MZT1: variants seen among roughly 807,000 people sequenced by gnomAD.
MZT1 encodes mitotic-spindle organizing protein 1.
Under a neutral mutation model 8.5 loss-of-function variants are expected in MZT1, and 8 were observed. The ratio of observed to expected loss-of-function variants is 0.94; its 90% CI spans 0.55 to 1.70. MZT1 has a LOEUF of 1.70. Among genes scored for constraint, MZT1 ranks in the 40% most tolerant of loss-of-function variants. The probability of loss-of-function intolerance (pLI) is 0.00; values close to 1 mark genes in which losing one functional copy is unlikely to be tolerated. For synonymous variants in MZT1, 38 were observed against 42.0 expected (o/e 0.90, Z 0.37); for missense variants, 93 against 108.6 (o/e 0.86, Z 0.64).
chr13:72,719,178 A>G, intron 1 of MZT1, 81 bp from the exon 2 acceptor site: 1 of 1,141,702 alleles, frequency 8.8e-7, no homozygotes, highest in Non-Finnish European at 1.2e-6. Context: ...ATTAATTTAT[A>G]TATCACTGCA....
At chr13:72,712,798 T>C (rs1462300127) in intron 2 of MZT1, among the ~76,000 whole-genome samples, 1 of 152,216 alleles carries the variant, frequency 6.6e-6, no homozygotes, top group Non-Finnish European at 1.5e-5. Flanking sequence ...TTCTCTTATA[T>C]GCACTCAAAC....
chr13:72,724,086 C>T (rs1370362336), intron 1 of MZT1, among the ~76,000 whole-genome samples: 3 of 152,106 alleles, frequency 2.0e-5, no homozygotes, highest in Non-Finnish European at 2.9e-5. Context: ...AAATTCAGAC[C>T]TGAACTGCTA....
intron 1 of MZT1, among the ~76,000 whole-genome samples, chr13:72,724,714 A>ATC (rs2032624080): frequency 4.5e-5 from 1 of 22,470 alleles, no homozygotes; most frequent in African/African-American, 5.9e-5. Context: ...ATATATATAT[A>ATC]TATACATATA....
At chr13:72,725,044 TC>T (rs1037347838) in intron 1 of MZT1, among the ~76,000 whole-genome samples, 3 of 143,682 alleles carry the variant, frequency 2.1e-5, no homozygotes, top group African/African-American at 7.9e-5. Flanking sequence ...CCAGCCAGAC[TC>T]GGTCTCAAAA....
intron 1 of MZT1, among the ~76,000 whole-genome samples, chr13:72,721,753 T>G (rs1471719286): frequency 6.6e-6 from 1 of 152,216 alleles, no homozygotes; most frequent in Non-Finnish European, 1.5e-5. Context: ...TCCAGTGTCT[T>G]GAAAACCATT....
chr13:72,713,046 A>G (rs957510728), intron 2 of MZT1, among the ~76,000 whole-genome samples: 3 of 152,216 alleles, frequency 2.0e-5, no homozygotes, highest in African/African-American at 7.2e-5. Flanking sequence ...CTTGTTTCTA[A>G]TAACGACTTC....
At chr13:72,727,110 T>TG (rs534622026) in intron 1 of MZT1, among the ~76,000 whole-genome samples, 1 of 152,104 alleles carries the variant, frequency 6.6e-6, no homozygotes, top group African/African-American at 2.4e-5. Flanking sequence ...ATCCCAACCT[T>TG]GGGGACCCCC....
rs1354143166 is a variant in MZT1 at position 72,710,234 on chromosome 13, G to A, written c.*88C>T. 2 of 1,380,980 alleles carry A rather than the reference G, an allele frequency of 1.4e-6. No individual in the cohort carries two copies. The highest frequency in any genetic ancestry group is 2.9e-5 in the African/African-American group (2 of 69,584). 85.5% of individuals were successfully genotyped at this position (1,380,980 alleles called of 1,614,324 possible). On this transcript the variant is annotated 3_prime_UTR_variant, in exon 3 of 3. Coordinates refer to ENST00000377818, the MANE Select transcript of MZT1 (RefSeq NM_001071775.3). ...AAATTTTTCTACACTGCTGCATGCA[G>A]TAATTTCATTGTACATTCTCAACTA...
intron 2 of MZT1, among the ~76,000 whole-genome samples, chr13:72,718,344 C>A (rs1179939209): frequency 6.6e-6 from 1 of 152,186 alleles, no homozygotes; most frequent in East Asian, 1.9e-4. Context: ...TAAATAAGGT[C>A]ATATTCATTG....
rs569086433 is a variant in MZT1, at chr13:72,714,754, T to G, written c.225+4198A>C. Among the ~76,000 whole-genome samples, 5 of 152,334 alleles carry G rather than the reference T, an allele frequency of 3.3e-5. No individual in the cohort carries two copies. The South Asian group carries it at 1.0e-3, about 32-fold the overall frequency. On this transcript the variant is annotated intron_variant, in intron 2 of 2. Coordinates refer to ENST00000377818, the MANE Select transcript of MZT1 (RefSeq NM_001071775.3). ...GACATAAGCCTTGGTGACTTTCATGTGGTGTCAAGCCTGTGGGTGCACAGA... is the reference window on the plus strand; with the variant it reads ...GACATAAGCCTTGGTGACTTTCATGGGGTGTCAAGCCTGTGGGTGCACAGA...
intron 1 of MZT1, 52 bp from the exon 2 acceptor site, chr13:72,719,149 A>T: frequency 7.2e-7 from 1 of 1,386,780 alleles, no homozygotes; most frequent in East Asian, 2.4e-5. Flanking sequence ...GCATTTAAAA[A>T]TATGCATATA....
At chr13:72,713,114 T>C (rs2138007018) in intron 2 of MZT1, among the ~76,000 whole-genome samples, 1 of 152,290 alleles carries the variant, frequency 6.6e-6, no homozygotes, top group East Asian at 1.9e-4. Context: ...GGAGAAAACT[T>C]AGTAGTTAAG....
At chr13:72,710,602 C>T (rs1381704112) in intron 2 of MZT1, among the ~76,000 whole-genome samples, 3 of 152,120 alleles carry the variant, frequency 2.0e-5, no homozygotes, top group African/African-American at 7.2e-5. Flanking sequence ...GCACAAAAAA[C>T]ATACTGCTAC....
chr13:72,714,127 G>A (rs2032513059), intron 2 of MZT1, among the ~76,000 whole-genome samples: 1 of 151,908 alleles, frequency 6.6e-6, no homozygotes, highest in Non-Finnish European at 1.5e-5. Context: ...CCAGGATCAG[G>A]ACCTGGAGCA....
At chr13:72,726,516 A>G (rs886315003) in intron 1 of MZT1, among the ~76,000 whole-genome samples, 2 of 152,132 alleles carry the variant, frequency 1.3e-5, no homozygotes, top group African/African-American at 2.4e-5. Context: ...CAGAGACGGA[A>G]GCTGACGTGA....
chr13:72,720,578 T>C (rs986627695), intron 1 of MZT1, among the ~76,000 whole-genome samples: 7 of 152,188 alleles, frequency 4.6e-5, no homozygotes, highest in Admixed American at 4.6e-4. Context: ...ATATCAGATA[T>C]TCACTTTCAT....
In MZT1 at chr13:72,720,930, G is replaced by A. The variant is rs573898001; in HGVS notation, c.80-1833C>T. 5.1e-3 allele frequency among the ~76,000 whole-genome samples: 160 copies of A among 31,456 alleles called. 1 individual carries two copies. The highest frequency in any genetic ancestry group is 0.026 in the Non-Finnish European group (118 of 4,494). The allele number at this position is 31,456 out of a possible 152,430, so 20.6% of individuals were successfully genotyped here. A position where few individuals can be genotyped will look rare whatever the true frequency, so the allele number is the denominator to read the frequency against. ...AAACAAAAATAGCAGTTCAATTTGA[G>A]TCTTAAAAAAAAAAATGTCTTTCAT... On this transcript the variant is annotated intron_variant, in intron 1 of 2. Transcript: ENST00000377818.
intron 1 of MZT1, among the ~76,000 whole-genome samples, chr13:72,724,726 A>G (rs1468823050): frequency 1.7e-4 from 5 of 29,740 alleles, no homozygotes; most frequent in Admixed American, 6.1e-4. Context: ...ATACATATAT[A>G]TATATATATA....
At chr13:72,719,134 T>G in intron 1 of MZT1, 37 bp from the exon 2 acceptor site, 1 of 1,457,654 alleles carries the variant, frequency 6.9e-7, no homozygotes, top group Non-Finnish European at 9.1e-7. Flanking sequence ...AACTTAAGGC[T>G]TACAGCATTT....
Sources: allele counts gnomAD v4.1 joint callset (sites outside exome capture counted in the v4.1 genomes callset), GRCh38; gene constraint gnomAD v4.1.1; transcripts MANE v1.5; gene names NCBI Gene and HGNC (gene_info 2026-07-23, HGNC 2026-07-21).